The following NUBPL variants were observed in gnomAD, a reference collection of about 807,000 sequenced individuals.
NUBPL encodes iron-sulfur cluster transfer protein NUBPL.
NUBPL carries 31 observed loss-of-function variants against 45.7 expected under a neutral mutation model. That is an observed-to-expected ratio of 0.68 (90% confidence interval 0.51 to 0.92). NUBPL has a LOEUF of 0.92. Among genes scored for constraint, NUBPL ranks in the 40% least tolerant of loss-of-function variants. The pLI, the probability that NUBPL is intolerant of heterozygous loss-of-function variation, is 0.00. For missense variants in NUBPL, 401 were observed against 398.7 expected (o/e 1.01, Z -0.05); for synonymous variants, 144 against 140.9 (o/e 1.02, Z -0.15).
intron 6 of NUBPL, among the ~76,000 whole-genome samples, chr14:31,726,599 G>C (rs1004918537): frequency 1.3e-5 from 2 of 152,124 alleles, no homozygotes; most frequent in African/African-American, 2.4e-5. Context: ...GATCTTGTCT[G>C]TCTGGGGGAC....
chr14:31,606,495 A>G (rs1249649792), intron 4 of NUBPL, among the ~76,000 whole-genome samples: 1 of 152,168 alleles, frequency 6.6e-6, no homozygotes, highest in Non-Finnish European at 1.5e-5. Flanking sequence ...GAAGAGATCT[A>G]GGGGTGTTGC....
intron 4 of NUBPL, among the ~76,000 whole-genome samples, chr14:31,652,076 A>G (rs958252579): frequency 2.6e-5 from 4 of 152,146 alleles, no homozygotes; most frequent in African/African-American, 9.7e-5. Context: ...AGAAAATGTG[A>G]TATATATACA....
intron 4 of NUBPL, among the ~76,000 whole-genome samples, chr14:31,655,437 G>T (rs544267364): frequency 6.6e-6 from 1 of 152,316 alleles, no homozygotes; most frequent in South Asian, 2.1e-4. Flanking sequence ...AATTGGCCGG[G>T]CATGGTGGCT....
In NUBPL at chr14:31,673,523, A is replaced by C; in HGVS notation, c.462A>C (p.Val154=). ...TTCTGGTTGAAGAAAGTGAACCAGT[A>C]GTTTGGAGAGGCCTTATGGTAATGT... The part of the protein sequence containing the change: ...MGFLVEESEP[V]VWRGLMVMSA... Residue 154 remains valine, a synonymous_variant, in exon 6 of 11, where the codon GTA becomes GTC. Coordinates refer to ENST00000281081, the MANE Select transcript of NUBPL (RefSeq NM_025152.3). The C allele has an allele frequency of 6.2e-7, 1 of 1,613,948 alleles. No individual in the cohort carries two copies. Among genetic ancestry groups the C allele is most frequent in the South Asian group, 1.1e-5 (1 of 91,080 alleles).
At chr14:31,635,023 C>G (rs2035450765) in intron 4 of NUBPL, among the ~76,000 whole-genome samples, 1 of 150,064 alleles carries the variant, frequency 6.7e-6, no homozygotes, top group African/African-American at 2.5e-5. Flanking sequence ...CGAAAATTTT[C>G]TCCCATTTTG....
chr14:31,714,019 C>T (rs1440178962), intron 6 of NUBPL, among the ~76,000 whole-genome samples: 2 of 152,110 alleles, frequency 1.3e-5, no homozygotes, highest in Non-Finnish European at 2.9e-5. Context: ...AGAAACTATT[C>T]CCAGCCCCTG....
chr14:31,635,553 G>A (rs2035469758), intron 4 of NUBPL, among the ~76,000 whole-genome samples: 1 of 152,088 alleles, frequency 6.6e-6, no homozygotes, highest in East Asian at 1.9e-4. Context: ...TTTTGGCTCA[G>A]GATTGACTTG....
chr14:31,724,286 T>C (rs1014470421), intron 6 of NUBPL, among the ~76,000 whole-genome samples: 1 of 152,218 alleles, frequency 6.6e-6, no homozygotes, highest in Admixed American at 6.5e-5. Context: ...TGTGATCAAC[T>C]GCTAAGGCCT....
At chr14:31,602,863 T>A (rs1401836103) in intron 4 of NUBPL, among the ~76,000 whole-genome samples, 3 of 152,148 alleles carry the variant, frequency 2.0e-5, no homozygotes, top group Non-Finnish European at 4.4e-5. Context: ...TTTTAAAGTG[T>A]TAAAAAAAAC....
intron 6 of NUBPL, among the ~76,000 whole-genome samples, chr14:31,747,590 T>C (rs1420138825): frequency 6.6e-6 from 1 of 152,206 alleles, no homozygotes; most frequent in South Asian, 2.1e-4. Flanking sequence ...GTTTTCCAAT[T>C]TTTTGGCATA....
chr14:31,700,825 C>A (rs1210457731), intron 6 of NUBPL, among the ~76,000 whole-genome samples: 1 of 152,190 alleles, frequency 6.6e-6, no homozygotes, highest in Non-Finnish European at 1.5e-5. Context: ...CCCCAGCCCC[C>A]TCCCCCCCAC....
At chr14:31,710,994 G>T (rs2037558183) in intron 6 of NUBPL, among the ~76,000 whole-genome samples, 2 of 152,232 alleles carry the variant, frequency 1.3e-5, no homozygotes. Context: ...CAGAGACAGG[G>T]AGTGATTTTT....
rs567020194 is a variant in NUBPL, at chr14:31,754,905, G to A, written c.514-32875G>A. Among the ~76,000 whole-genome samples, 115 of 129,182 alleles carry A rather than the reference G, an allele frequency of 8.9e-4. No individual in the cohort carries two copies. In the Middle Eastern group the frequency reaches 0.019, roughly 22 times the overall value. 84.7% of individuals were successfully genotyped at this position (129,182 alleles called of 152,430 possible). On this transcript the variant is annotated intron_variant, in intron 6 of 10. Transcript: ENST00000281081. ...GATGTTCCCCTTCCTGTGTCCATGCGTTCTCATTGTTCAATTCCCATCTAT... is the reference window on the plus strand; with the variant it reads ...GATGTTCCCCTTCCTGTGTCCATGCATTCTCATTGTTCAATTCCCATCTAT...
intron 6 of NUBPL, among the ~76,000 whole-genome samples, chr14:31,682,998 G>A (rs545346489): frequency 1.5e-4 from 22 of 147,718 alleles, no homozygotes; most frequent in Admixed American, 1.1e-3. Flanking sequence ...GAAGTGAGGC[G>A]GGGAGGAGGT....
chr14:31,728,614 G>C (rs1005573181), intron 6 of NUBPL, among the ~76,000 whole-genome samples: 1 of 152,102 alleles, frequency 6.6e-6, no homozygotes, highest in African/African-American at 2.4e-5. Context: ...ATTTAGAAGG[G>C]TCAAAGAGAA....
intron 4 of NUBPL, among the ~76,000 whole-genome samples, chr14:31,653,069 A>T (rs1181618597): frequency 6.6e-6 from 1 of 152,166 alleles, no homozygotes. Flanking sequence ...GGTCACAAAG[A>T]TTACATACTT....
At chr14:31,689,690 C>A (rs921703881) in intron 6 of NUBPL, among the ~76,000 whole-genome samples, 3 of 152,104 alleles carry the variant, frequency 2.0e-5, no homozygotes, top group Non-Finnish European at 4.4e-5. Flanking sequence ...TCAATTTTTG[C>A]TTTTGTTGCG....
chr14:31,654,412 CT>C (rs747651197), intron 4 of NUBPL, among the ~76,000 whole-genome samples: 198 of 136,588 alleles, frequency 1.4e-3, no homozygotes, highest in Middle Eastern at 3.8e-3. Flanking sequence ...TTTTTTTTTT[CT>C]TTTTTTTTTT....
chr14:31,816,601 A>C (rs2039922243), intron 7 of NUBPL, among the ~76,000 whole-genome samples: 1 of 151,676 alleles, frequency 6.6e-6, no homozygotes, highest in African/African-American at 2.4e-5. Context: ...TTGCTTCTCT[A>C]ATTCTTTTAA....
Sources: allele counts gnomAD v4.1 joint callset (sites outside exome capture counted in the v4.1 genomes callset), GRCh38; gene constraint gnomAD v4.1.1; transcripts MANE v1.5; gene names NCBI Gene and HGNC (gene_info 2026-07-23, HGNC 2026-07-21).